Variants in CRTAC1 observed in about 807,000 individuals in gnomAD.
CRTAC1 encodes cartilage acidic protein 1.
A neutral mutation model predicts 67.8 loss-of-function variants in CRTAC1; 37 were observed. The ratio of observed to expected loss-of-function variants is 0.55; its 90% CI spans 0.42 to 0.72. The LOEUF is 0.72. Among genes scored for constraint, CRTAC1 ranks in the 30% least tolerant of loss-of-function variants. The probability of loss-of-function intolerance (pLI) is 0.00; values close to 1 mark genes in which losing one functional copy is unlikely to be tolerated. For missense variants in CRTAC1, 780 were observed against 931.6 expected, an observed-to-expected ratio of 0.84 and a Z score of 2.12; for synonymous variants, 348 against 371.0, an observed-to-expected ratio of 0.94 and a Z score of 0.71.
intron 1 of CRTAC1, among the ~76,000 whole-genome samples, chr10:98,022,420 T>A (rs1590301609): frequency 6.6e-6 from 1 of 151,282 alleles, no homozygotes; most frequent in Non-Finnish European, 1.5e-5. Context: ...GTACAAAGCC[T>A]CGACACAAGC....
intron 1 of CRTAC1, among the ~76,000 whole-genome samples, chr10:98,016,435 A>G (rs1040007983): frequency 4.6e-5 from 7 of 152,334 alleles, no homozygotes; most frequent in Non-Finnish European, 8.8e-5. Context: ...AATGCTCCTC[A>G]AAAGGCAATG....
intron 6 of CRTAC1, among the ~76,000 whole-genome samples, chr10:97,906,599 T>A (rs1030040158): frequency 1.3e-5 from 2 of 152,096 alleles, no homozygotes; most frequent in Non-Finnish European, 2.9e-5. Flanking sequence ...CACTATTCCC[T>A]CCCCTTTGCT....
At chr10:97,869,529 C>T (rs564185399) in intron 14 of CRTAC1, 7 of 152,698 alleles carry the variant, frequency 4.6e-5, no homozygotes, top group African/African-American at 1.7e-4. Context: ...TGCACATGCT[C>T]CTCTCCCTGC....
chr10:97,911,619 C>A (rs549233028), intron 5 of CRTAC1, among the ~76,000 whole-genome samples: 5 of 152,342 alleles, frequency 3.3e-5, no homozygotes, highest in Admixed American at 1.3e-4. Context: ...GGTACCTGCA[C>A]CCCTCACTGA....
At position 97,890,276 on chromosome 10, in the gene CRTAC1, C is replaced by T. The variant is rs117239996; in HGVS notation, c.1486+4969G>A. On this transcript the variant is annotated intron_variant, in intron 11 of 14. Coordinates refer to ENST00000370597, the MANE Select transcript of CRTAC1 (RefSeq NM_018058.7). ...GGACTATAGGCTTGCACCACCACAC[C>T]GGGCTAATTTTTGTAGAAAGGGGGG... 3.8e-4 allele frequency among the ~76,000 whole-genome samples: 48 copies of T among 126,880 alleles called. No homozygotes were observed. In the East Asian group the frequency reaches 0.014, roughly 36 times the overall value. The allele number at this position is 126,880 out of a possible 152,430, so 83.2% of individuals were successfully genotyped here.
intron 2 of CRTAC1, among the ~76,000 whole-genome samples, chr10:98,010,358 T>C (rs1405129989): frequency 6.6e-6 from 1 of 152,142 alleles, no homozygotes; most frequent in East Asian, 1.9e-4. Context: ...ATAATAATTA[T>C]CAATGGTGAT....
chr10:98,029,866 A>G lies in CRTAC1; in HGVS notation c.24+583T>C, dbSNP rs1289635567. Among the ~76,000 whole-genome samples the G allele has an allele frequency of 6.6e-6, 1 of 152,174 alleles. No homozygotes were observed. Among genetic ancestry groups the G allele is most frequent in the South Asian group, 2.1e-4 (1 of 4,834 alleles). ...AAGGGAAGACCACACCTCGTCCAGC[A>G]TAAGGCGGCTAGCAGCTACGCCGCG... is the stretch of plus-strand genomic sequence containing the variant. On this transcript the variant is annotated intron_variant, in intron 1 of 14. Coordinates refer to ENST00000370597, the MANE Select transcript of CRTAC1 (RefSeq NM_018058.7). This position sits in a 1 kb window ranked among gnomAD's most constrained non-coding sequence, Gnocchi z 4.7.
At chr10:97,900,508 CCG>C (rs1325656268) in intron 8 of CRTAC1, among the ~76,000 whole-genome samples, 10 of 144,728 alleles carry the variant, frequency 6.9e-5, no homozygotes, top group East Asian at 6.1e-4. Flanking sequence ...TGATTGGAGC[CCG>C]TAGCCCCTTT....
chr10:97,905,818 G>A (rs1290680380), intron 6 of CRTAC1, among the ~76,000 whole-genome samples: 1 of 152,236 alleles, frequency 6.6e-6, no homozygotes, highest in Non-Finnish European at 1.5e-5. Flanking sequence ...CCTGGAAAGC[G>A]AAGCCTCTGT....
rs548580908 is a variant in CRTAC1, at chr10:97,943,599, G to A, written c.225-7233C>T. ...TTTTATAGATACACAAAGTTTCTGAGAAAAGTGACTTCTAAAGTCAAACAG... is the reference window on the plus strand; with the variant it reads ...TTTTATAGATACACAAAGTTTCTGAAAAAAGTGACTTCTAAAGTCAAACAG... On this transcript the variant is annotated intron_variant, in intron 2 of 14. Coordinates refer to ENST00000370597, the MANE Select transcript of CRTAC1 (RefSeq NM_018058.7). 1.2e-3 allele frequency among the ~76,000 whole-genome samples: 184 copies of A among 152,358 alleles called. 1 individual carries two copies. The highest frequency in any genetic ancestry group is 4.1e-3 in the African/African-American group (170 of 41,580).
intron 2 of CRTAC1, 52 bp from the exon 3 acceptor site, chr10:97,936,418 A>T: frequency 6.8e-7 from 1 of 1,473,354 alleles, no homozygotes; most frequent in Non-Finnish European, 9.4e-7. Flanking sequence ...GGGCCCACCC[A>T]GTCCCATCCA....
intron 9 of CRTAC1, among the ~76,000 whole-genome samples, chr10:97,896,608 C>T (rs528057356): frequency 6.6e-6 from 1 of 152,220 alleles, no homozygotes; most frequent in African/African-American, 2.4e-5. Flanking sequence ...CTTTCCATCC[C>T]CACCTGGCAA....
intron 2 of CRTAC1, among the ~76,000 whole-genome samples, chr10:97,948,806 T>C (rs1222157539): frequency 1.3e-5 from 2 of 152,122 alleles, no homozygotes; most frequent in Non-Finnish European, 2.9e-5. Flanking sequence ...TCCGCATGGC[T>C]TGGGAGGCCT....
intron 14 of CRTAC1, among the ~76,000 whole-genome samples, chr10:97,871,756 C>T (rs1025659755): frequency 8.5e-5 from 13 of 152,058 alleles, no homozygotes; most frequent in African/African-American, 2.9e-4. Context: ...AAGAGTGAGA[C>T]GTGGGAGAAG....
chr10:97,870,302 G>A (rs372549774), intron 14 of CRTAC1: 1 of 152,138 alleles, frequency 6.6e-6, no homozygotes, highest in African/African-American at 2.4e-5. Context: ...GAAAATGCCT[G>A]AGACCTGAAT....
rs1360445773 is a variant in CRTAC1, at chr10:97,884,401, C to G, written c.1487-50G>C. ...CAGCAGCAGAGGAGAGCAGGAGGCT[C>G]TCAGCGGAAGCATCAGCATCAACTA... On this transcript the variant is annotated intron_variant, in intron 11 of 14. Transcript: ENST00000370597. 6 of 1,506,144 alleles carry G rather than the reference C, an allele frequency of 4.0e-6. No homozygotes were observed. The African/African-American group carries it at 8.3e-5, about 21-fold the overall frequency. The allele number at this position is 1,506,144 out of a possible 1,614,324, so 93.3% of individuals were successfully genotyped here. A position where few individuals can be genotyped will look rare whatever the true frequency, so the allele number is the denominator to read the frequency against.
At chr10:98,027,562 A>T (rs1385123992) in intron 1 of CRTAC1, among the ~76,000 whole-genome samples, 2 of 152,180 alleles carry the variant, frequency 1.3e-5, no homozygotes, top group Non-Finnish European at 2.9e-5. Context: ...TGACTCCTAA[A>T]TGCACAGACT....
rs536272056 is a variant in CRTAC1 at position 97,983,813 on chromosome 10, C to T, written c.224+27325G>A. ...GCGGGTGAAGTAGGGTGTGTTCCAC[C>T]CACTCTCTTGTTTCCATCTGGGGCC... On this transcript the variant is annotated intron_variant, in intron 2 of 14. Coordinates refer to ENST00000370597, the MANE Select transcript of CRTAC1 (RefSeq NM_018058.7). Among the ~76,000 whole-genome samples the T allele has an allele frequency of 3.3e-5, 5 of 152,222 alleles. No homozygotes were observed. The South Asian group carries it at 1.0e-3, about 32-fold the overall frequency.
At chr10:97,948,794 G>A (rs1287436918) in intron 2 of CRTAC1, among the ~76,000 whole-genome samples, 1 of 152,206 alleles carries the variant, frequency 6.6e-6, no homozygotes, top group Non-Finnish European at 1.5e-5. Flanking sequence ...TTGACTCACA[G>A]TTCCGCATGG....
Sources: gnomAD v4.1 joint callset for allele counts (sites outside exome capture counted in the v4.1 genomes callset) on GRCh38, gnomAD v4.1.1 for gene constraint, Gnocchi (gnomAD v3.1) non-coding constraint, MANE v1.5 for transcripts, NCBI Gene and HGNC (gene_info 2026-07-23, HGNC 2026-07-21) for gene names.